WASF1: variants seen among roughly 807,000 people sequenced by gnomAD.
WASF1 encodes the protein actin-binding protein WASF1.
WASF1 carries 7 observed loss-of-function variants against 50.5 expected under a neutral mutation model. That is an observed-to-expected ratio of 0.14 (90% CI 0.08 to 0.26). The LOEUF is 0.26. Among genes scored for constraint, WASF1 ranks in the 10% least tolerant of loss-of-function variants. The pLI is 1.00. For synonymous variants in WASF1, 205 were observed against 244.0 expected (o/e 0.84, Z 1.49); for missense variants, 470 against 694.7 (o/e 0.68, Z 3.64).
Position 110,108,508 on chromosome 6 carries a change from CTATT to C in WASF1, c.422+16_422+19del. The C allele has an allele frequency of 6.3e-7, 1 of 1,582,614 alleles. No individual in the cohort carries two copies. Among genetic ancestry groups the C allele is most frequent in the Non-Finnish European group, 8.6e-7 (1 of 1,161,724 alleles). On this transcript the variant is annotated intron_variant, in intron 6 of 10. Coordinates refer to ENST00000392589, the MANE Select transcript of WASF1 (RefSeq NM_003931.3). ...AAGTCTGAGATAAATAATAGGGCTA[CTATT>C]TATTAACCTACCTACCTATAAGGAG...
chr6:110,104,365 T>G (rs1022597997), intron 8 of WASF1, among the ~76,000 whole-genome samples: 5 of 152,182 alleles, frequency 3.3e-5, no homozygotes, highest in African/African-American at 1.2e-4. Flanking sequence ...ATTCTTTCAG[T>G]AATACAGATA....
chr6:110,103,344 TA>T, intron 9 of WASF1, 33 bp downstream of exon 9: 1 of 1,596,600 alleles, frequency 6.3e-7, no homozygotes, highest in Non-Finnish European at 8.5e-7. Context: ...TACTGACTCC[TA>T]AGATAAAACA....
intron 3 of WASF1, among the ~76,000 whole-genome samples, chr6:110,139,194 G>A (rs78748894): frequency 0.033 from 5,016 of 152,316 alleles, 149 homozygotes; most frequent in South Asian, 0.12. Context: ...AACAGGTGCC[G>A]GGATCGGGGA....
chr6:110,146,529 AT>A (rs1775570776), intron 3 of WASF1, among the ~76,000 whole-genome samples: 1 of 151,656 alleles, frequency 6.6e-6, no homozygotes, highest in Non-Finnish European at 1.5e-5. Flanking sequence ...AATATATCTA[AT>A]TTTTTATTTA....
chr6:110,172,086 G>A (rs1368703038), intron 2 of WASF1, among the ~76,000 whole-genome samples: 1 of 152,214 alleles, frequency 6.6e-6, no homozygotes, highest in Non-Finnish European at 1.5e-5. Flanking sequence ...CTGTTGGTGG[G>A]AGTGTAAATT....
At chr6:110,163,536 T>C (rs1013793449) in intron 2 of WASF1, among the ~76,000 whole-genome samples, 1 of 151,562 alleles carries the variant, frequency 6.6e-6, no homozygotes, top group Non-Finnish European at 1.5e-5. Context: ...CCCAAAGTCC[T>C]ATCTCCTAAT....
intron 2 of WASF1, among the ~76,000 whole-genome samples, chr6:110,165,729 A>C (rs1776449545): frequency 6.6e-6 from 1 of 151,690 alleles, no homozygotes. Flanking sequence ...TGTACCAGTG[A>C]AAGTGTGGTC....
intron 2 of WASF1, chr6:110,176,999 G>A (rs900335144): frequency 2.0e-5 from 3 of 151,936 alleles, no homozygotes; most frequent in Non-Finnish European, 4.4e-5. Flanking sequence ...CTGTGATAAT[G>A]AAAATCCAAC....
intron 2 of WASF1, among the ~76,000 whole-genome samples, chr6:110,161,631 T>C (rs532617249): frequency 1.1e-4 from 16 of 151,746 alleles, no homozygotes; most frequent in African/African-American, 3.6e-4. Context: ...TTGCTTTCTA[T>C]AGCTTTTTTA....
intron 3 of WASF1, among the ~76,000 whole-genome samples, chr6:110,136,902 A>G (rs1774993471): frequency 6.6e-6 from 1 of 152,146 alleles, no homozygotes; most frequent in Non-Finnish European, 1.5e-5. Flanking sequence ...CCCAGTCTCA[A>G]TGAGATGTGG....
intron 3 of WASF1, among the ~76,000 whole-genome samples, chr6:110,139,801 T>G (rs1775141720): frequency 6.6e-6 from 1 of 152,180 alleles, no homozygotes. Flanking sequence ...CTATGTTTTT[T>G]CCTATTCATA....
At chr6:110,109,930 T>A (rs1773486176) in intron 5 of WASF1, among the ~76,000 whole-genome samples, 1 of 152,114 alleles carries the variant, frequency 6.6e-6, no homozygotes, top group African/African-American at 2.4e-5. Context: ...TCACTCAACA[T>A]GAACATGGGA....
At chr6:110,110,930 T>G (rs1292177339) in intron 5 of WASF1, among the ~76,000 whole-genome samples, 3 of 152,090 alleles carry the variant, frequency 2.0e-5, no homozygotes, top group Non-Finnish European at 2.9e-5. Flanking sequence ...GCTTTTAGAT[T>G]CTGAATTCTT....
chr6:110,135,507 G>C (rs530377443), intron 3 of WASF1, among the ~76,000 whole-genome samples: 3 of 152,028 alleles, frequency 2.0e-5, no homozygotes, highest in African/African-American at 7.2e-5. Context: ...ATTGACTGTG[G>C]GGTTTTTTTG....
intron 2 of WASF1, among the ~76,000 whole-genome samples, chr6:110,170,559 A>G (rs1488130877): frequency 6.6e-6 from 1 of 152,128 alleles, no homozygotes; most frequent in Non-Finnish European, 1.5e-5. Context: ...AACAAGTGCA[A>G]TGAATAAAAA....
At chr6:110,176,770 C>G (rs755546879) in intron 2 of WASF1, among the ~76,000 whole-genome samples, 3 of 151,976 alleles carry the variant, frequency 2.0e-5, no homozygotes, top group Non-Finnish European at 2.9e-5. Context: ...CTGCATTTAC[C>G]CAAGTGACGG....
intron 7 of WASF1, 27 bp from the exon 8 acceptor site, chr6:110,105,606 C>T: frequency 1.2e-6 from 2 of 1,604,502 alleles, no homozygotes; most frequent in Non-Finnish European, 1.7e-6. Flanking sequence ...GAAACAAAGT[C>T]AAATGCTTAA....
chr6:110,175,356 CAAAA>C (rs888839354), intron 2 of WASF1, among the ~76,000 whole-genome samples: 2 of 151,934 alleles, frequency 1.3e-5, no homozygotes, highest in Non-Finnish European at 2.9e-5. Context: ...TTAAAACAAA[CAAAA>C]AACCCATCAC....
intron 4 of WASF1, among the ~76,000 whole-genome samples, chr6:110,122,312 C>T (rs150238056): frequency 8.3e-4 from 125 of 150,560 alleles, no homozygotes; most frequent in African/African-American, 2.4e-3. Flanking sequence ...CTGGCAAAAG[C>T]GTTCCAATTA....
Sources: allele counts gnomAD v4.1 joint callset (sites outside exome capture counted in the v4.1 genomes callset), GRCh38; gene constraint gnomAD v4.1.1; transcripts MANE v1.5; gene names NCBI Gene and HGNC (gene_info 2026-07-23, HGNC 2026-07-21).